Variants in CRYBG2 observed in about 807,000 individuals in gnomAD.
CRYBG2 encodes beta/gamma crystallin domain-containing protein 2.
In CRYBG2, 106 loss-of-function variants were observed where a neutral mutation model predicts 153.4. That is an observed-to-expected ratio of 0.69 (90% CI 0.59 to 0.81). The LOEUF (loss-of-function observed/expected upper bound fraction) is 0.81, where lower values mean the gene tolerates loss of function less well. Among genes scored for constraint, CRYBG2 ranks in the 30% least tolerant of loss-of-function variants. The pLI is 0.00. For missense variants in CRYBG2, 1,996 were observed against 2,112.0 expected (o/e 0.95, Z 1.08); for synonymous variants, 851 against 877.8 (o/e 0.97, Z 0.54).
rs1040293654 is a variant in CRYBG2 at position 26,336,097 on chromosome 1, G to A, written c.4182C>T (p.Gly1394=). 6.8e-6 allele frequency: 10 copies of A among 1,463,744 alleles called. No individual in the cohort carries two copies. Among genetic ancestry groups the A allele is most frequent in the Admixed American group, 2.5e-5 (1 of 40,238 alleles). 90.7% of individuals were successfully genotyped at this position (1,463,744 alleles called of 1,614,324 possible). ...FRPQSCRVHG[G]SWILFDETNF... ...CCTCCGCCCCTCCACGTTCTCACCT[G>A]CCGCCGTGGACCCGGCAGGACTGAG... The change falls in exon 14 of 20, where the codon GGC becomes GGT. Residue 1394 remains glycine (G), a splice_region_variant and synonymous_variant. Transcript: ENST00000308182. The surrounding 1 kb of genome is among the most constrained non-coding windows in gnomAD (Gnocchi z 4.9).
Position 26,344,333 on chromosome 1 carries a change from C to T in CRYBG2, c.2325G>A (p.Glu775=). The T allele has an allele frequency of 6.7e-7, 1 of 1,502,612 alleles. No individual in the cohort carries two copies. 93.1% of individuals were successfully genotyped at this position (1,502,612 alleles called of 1,614,324 possible). ...EIFLDTLRSM[E]PPEILRTHRL... is the part of the protein sequence containing the mutation. Reference sequence around the variant, plus strand: ...GGTGAGTGCGGAGGATCTCAGGGGGCTCCATGCTCCGCAGCGTATCCAGGA... The same window carrying T: ...GGTGAGTGCGGAGGATCTCAGGGGGTTCCATGCTCCGCAGCGTATCCAGGA... Residue 775 remains glutamate (E), a synonymous_variant, in exon 2 of 20, where the codon GAG becomes GAA. Transcript: ENST00000308182.
Position 26,328,881 on chromosome 1 carries a change from C to T in CRYBG2, c.4315-8G>A, listed in dbSNP as rs778763646. The stretch of plus-strand genomic sequence containing the variant: ...GGAAGGCTCTGAAAAGTGCTGGGGC[C>T]CAGGAGACAGAAGAGGGTGAGGCTC... On this transcript the variant is annotated splice_polypyrimidine_tract_variant and splice_region_variant and intron_variant, in intron 15 of 19. Coordinates refer to ENST00000308182, the MANE Select transcript of CRYBG2 (RefSeq NM_001039775.4). The T allele has an allele frequency of 6.2e-6, 10 of 1,613,658 alleles. No individual in the cohort carries two copies. The East Asian group carries it at 2.2e-4, about 36-fold the overall frequency.
At chr1:26,340,838 A>T (rs2074119648) in intron 5 of CRYBG2, among the ~76,000 whole-genome samples, 1 of 151,594 alleles carries the variant, frequency 6.6e-6, no homozygotes, top group Admixed American at 6.6e-5. Context: ...GCTGGTCTTG[A>T]ATTCCTGACC....
At position 26,336,906 on chromosome 1, in the gene CRYBG2, T is replaced by A; in HGVS notation, c.3846A>T (p.Ala1282=). Residue 1282 remains alanine (A), a synonymous_variant, in exon 11 of 20, where the codon GCA becomes GCT. Coordinates refer to ENST00000308182, the MANE Select transcript of CRYBG2 (RefSeq NM_001039775.4). The surrounding 1 kb of genome is among the most constrained non-coding windows in gnomAD (Gnocchi z 4.9). ...GTTGCACCAGCTCCACATCCGGCAA[T>A]GCCTTGCTCACCTCCACGCCGTGCC... ...FEGHGVEVSK[A]LPDVELVQHG... The A allele has an allele frequency of 6.2e-7, 1 of 1,612,346 alleles. No individual in the cohort carries two copies. The highest frequency in any genetic ancestry group is 8.5e-7 in the Non-Finnish European group (1 of 1,179,340).
At chr1:26,348,587 G>A (rs1039405562) in intron 1 of CRYBG2, among the ~76,000 whole-genome samples, 7 of 151,904 alleles carry the variant, frequency 4.6e-5, no homozygotes, top group Non-Finnish European at 7.4e-5. Context: ...ACAGAGTCTC[G>A]CTCTGTCGCC....
intron 1 of CRYBG2, among the ~76,000 whole-genome samples, chr1:26,348,028 G>C (rs1269156601): frequency 2.0e-5 from 3 of 152,028 alleles, no homozygotes; most frequent in African/African-American, 7.3e-5. Flanking sequence ...TGAACTCCTG[G>C]GCTGAAGTGA....
At chr1:26,347,381 A>G (rs763525455) in intron 1 of CRYBG2, among the ~76,000 whole-genome samples, 4 of 145,400 alleles carry the variant, frequency 2.8e-5, no homozygotes, top group Non-Finnish European at 4.5e-5. Flanking sequence ...GCAGCCTTGA[A>G]CTCCTGGGCT....
chr1:26,340,562 T>C (rs2074116525), intron 5 of CRYBG2, among the ~76,000 whole-genome samples: 1 of 152,192 alleles, frequency 6.6e-6, no homozygotes, highest in South Asian at 2.1e-4. Flanking sequence ...CAATTAATTG[T>C]CCACAAACAT....
At chr1:26,324,457 T>C (rs960197974) in intron 17 of CRYBG2, 147 bp from the exon 18 acceptor site, 3 of 811,736 alleles carry the variant, frequency 3.7e-6, no homozygotes, top group South Asian at 1.9e-5. Context: ...TCTAAGTCAC[T>C]GCTTCTTTAC....
chr1:26,335,044 C>T (rs2074037964), intron 14 of CRYBG2, among the ~76,000 whole-genome samples: 1 of 151,672 alleles, frequency 6.6e-6, no homozygotes, highest in Admixed American at 6.6e-5. Context: ...ACCTAGCATG[C>T]AGATTTTGGT....
In CRYBG2 at chr1:26,346,541, C is replaced by T. The variant is rs985652237; in HGVS notation, c.117G>A (p.Val39=). The part of the protein sequence containing the change: ...QEEIKHGFHK[V]SLVSGAQMEA... ...CCATCTGGGCCCCTGACACCAGGGACACCTTGTGAAAACCATGTTTGATCT... is the reference window on the plus strand; with the variant it reads ...CCATCTGGGCCCCTGACACCAGGGATACCTTGTGAAAACCATGTTTGATCT... The change falls in exon 2 of 20, where the codon GTG becomes GTA. Residue 39 remains valine (V), a synonymous_variant. Transcript: ENST00000308182. This position sits in a 1 kb window ranked among gnomAD's most constrained non-coding sequence, Gnocchi z 4.9. 3 of 1,612,770 alleles carry T rather than the reference C, an allele frequency of 1.9e-6. No individual in the cohort carries two copies. The highest frequency in any genetic ancestry group is 2.7e-5 in the African/African-American group (2 of 75,036).
At chr1:26,337,152 G>A in intron 10 of CRYBG2, 101 bp downstream of exon 10, 1 of 1,569,054 alleles carries the variant, frequency 6.4e-7, no homozygotes, top group South Asian at 1.2e-5. Flanking sequence ...CTTACAGGGA[G>A]AACACGGAGA....
Position 26,321,930 on chromosome 1 carries a change from G to T in CRYBG2, c.*38C>A. The T allele has an allele frequency of 6.8e-7, 1 of 1,472,212 alleles. No individual in the cohort carries two copies. The highest frequency in any genetic ancestry group is 9.1e-7 in the Non-Finnish European group (1 of 1,100,342). The allele number at this position is 1,472,212 out of a possible 1,614,324, so 91.2% of individuals were successfully genotyped here. A position where few individuals can be genotyped will look rare whatever the true frequency, so the allele number is the denominator to read the frequency against. Reference sequence around the variant, plus strand: ...AAACCCTATAAAAACATTCATCCCAGCAAAAGCCTCCAGGGCTGGAGGGTG... The same window carrying T: ...AAACCCTATAAAAACATTCATCCCATCAAAAGCCTCCAGGGCTGGAGGGTG... On this transcript the variant is annotated 3_prime_UTR_variant, in exon 20 of 20. Coordinates refer to ENST00000308182, the MANE Select transcript of CRYBG2 (RefSeq NM_001039775.4).
In CRYBG2 at chr1:26,336,456, G is replaced by C. The variant is rs2074056684; in HGVS notation, c.4039-86C>G. On this transcript the variant is annotated intron_variant, in intron 12 of 19. Transcript: ENST00000308182. This position sits in a 1 kb window ranked among gnomAD's most constrained non-coding sequence, Gnocchi z 4.9. Reference sequence around the variant, plus strand: ...TAGGTTTCAGTACCGTCCACCCCGCGGCCGCGCCCTCGGCCCCGCCCCCTT... The same window carrying C: ...TAGGTTTCAGTACCGTCCACCCCGCCGCCGCGCCCTCGGCCCCGCCCCCTT... 7.0e-6 allele frequency: 11 copies of C among 1,565,788 alleles called. No individual in the cohort carries two copies. In the East Asian group the frequency reaches 2.2e-4, roughly 31 times the overall value.
rs771564056 is a variant in CRYBG2 at position 26,339,416 on chromosome 1, G to A, written c.3218C>T (p.Pro1073Leu). 24 of 1,613,946 alleles carry A rather than the reference G, an allele frequency of 1.5e-5. No individual in the cohort carries two copies. The highest frequency in any genetic ancestry group is 5.3e-5 in the African/African-American group (4 of 74,928). ...LRRVVWDYST[P>L]EISLFSEEGL... ...CTCCTCAGAGAAGAGGCTGATTTCC[G>A]GGGTGCTGTAGTCCTGTGGAAGGAG... is the stretch of plus-strand genomic sequence containing the variant. The change falls in exon 6 of 20, where the codon CCG (proline) becomes CTG (leucine). Residue 1073 changes from proline (P) to leucine (L), a missense_variant. Physicochemically the swap from Pro to Leu is moderately conservative, Grantham distance 98. Transcript: ENST00000308182.
chr1:26,321,976 C>T lies in CRYBG2; in HGVS notation c.4978G>A (p.Val1660Met), dbSNP rs538340370. ...GGGTGAGGGGAAAAGTTTCAAAGCA[C>T]GTGGATAGTCCAGATCTGGGATGCC... ...DRASQIWTIHVL is the reference protein window; with the variant it reads ...DRASQIWTIHML Residue 1660 changes from valine (V) to methionine (M), a missense_variant, in exon 20 of 20, where the codon GTG (valine) becomes ATG (methionine). By Grantham distance (21) the Val-to-Met change is conservative. Transcript: ENST00000308182. The T allele has an allele frequency of 1.5e-5, 23 of 1,581,978 alleles. No homozygotes were observed. In the Admixed American group the frequency reaches 1.8e-4, roughly 12 times the overall value.
intron 1 of CRYBG2, among the ~76,000 whole-genome samples, chr1:26,351,543 A>T (rs1036872465): frequency 6.6e-6 from 1 of 152,226 alleles, no homozygotes; most frequent in Non-Finnish European, 1.5e-5. Flanking sequence ...ACATAAAAAC[A>T]GGGACATTTG....
Position 26,338,017 on chromosome 1 carries a change from G to C in CRYBG2, c.3502C>G (p.Pro1168Ala), listed in dbSNP as rs750737768. 5.6e-6 allele frequency: 9 copies of C among 1,612,578 alleles called. No individual in the cohort carries two copies. The South Asian group carries it at 9.9e-5, about 18-fold the overall frequency. The change falls in exon 8 of 20, where the codon CCC becomes GCC. Residue 1168 changes from proline (P) to alanine (A), a missense_variant. Physicochemically the swap from Pro to Ala is conservative, Grantham distance 27. Coordinates refer to ENST00000308182, the MANE Select transcript of CRYBG2 (RefSeq NM_001039775.4). ...TCTTAAGCCCAGACTCTTACCCTGG[G>C]CTCCCCTGGCTTCTCCACACTTGGG... is the stretch of plus-strand genomic sequence containing the variant. Reference protein sequence around the residue: ...GCPSVEKPGEPRAVVYEAPGF... With the variant: ...GCPSVEKPGEARAVVYEAPGF...
At position 26,336,462 on chromosome 1, in the gene CRYBG2, G is replaced by C. The variant is rs983539990; in HGVS notation, c.4039-92C>G. The stretch of plus-strand genomic sequence containing the variant: ...TCAGTACCGTCCACCCCGCGGCCGC[G>C]CCCTCGGCCCCGCCCCCTTCTAAGG... On this transcript the variant is annotated intron_variant, in intron 12 of 19. Coordinates refer to ENST00000308182, the MANE Select transcript of CRYBG2 (RefSeq NM_001039775.4). This position sits in a 1 kb window ranked among gnomAD's most constrained non-coding sequence, Gnocchi z 4.9. 9 of 1,554,340 alleles carry C rather than the reference G, an allele frequency of 5.8e-6. No individual in the cohort carries two copies. The highest frequency in any genetic ancestry group is 7.8e-6 in the Non-Finnish European group (9 of 1,147,804).
Sources: allele counts gnomAD v4.1 joint callset (sites outside exome capture counted in the v4.1 genomes callset), GRCh38; gene constraint gnomAD v4.1.1; non-coding constraint Gnocchi (gnomAD v3.1); transcripts MANE v1.5; gene names NCBI Gene and HGNC (gene_info 2026-07-23, HGNC 2026-07-21).